The following MAP3K15 variants were observed in gnomAD, a reference collection of about 807,000 sequenced individuals.
MAP3K15 encodes MAPK/ERK kinase kinase 15.
MAP3K15 carries 124 observed loss-of-function variants against 99.5 expected under a neutral mutation model. The ratio of observed to expected loss-of-function variants is 1.25; its 90% CI spans 1.08 to 1.45. MAP3K15 has a LOEUF of 1.45. Ranked by LOEUF, MAP3K15 falls within the 40% of genes most tolerant of loss-of-function variation. The probability of loss-of-function intolerance (pLI) is 0.00; values close to 1 mark genes in which losing one functional copy is unlikely to be tolerated. For synonymous variants in MAP3K15, 494 were observed against 439.6 expected (o/e 1.12, Z -1.55); for missense variants, 1,242 against 1,079.7 (o/e 1.15, Z -2.11).
chrX:19,505,777 A>C, intron 1 of MAP3K15, among the ~76,000 whole-genome samples: 1 of 99,400 alleles, frequency 1.0e-5, no homozygotes, highest in African/African-American at 3.8e-5. Flanking sequence ...ATGGAGTCTC[A>C]CTCTTGTCAC....
At chrX:19,487,110 G>A (rs1253246645) in intron 2 of MAP3K15, among the ~76,000 whole-genome samples, 1 of 78,723 alleles carries the variant, frequency 1.3e-5, no homozygotes, top group Non-Finnish European at 2.3e-5. Context: ...TCTCATTTAC[G>A]CACCAACATT....
intron 19 of MAP3K15, among the ~76,000 whole-genome samples, chrX:19,375,721 C>T (rs751466559): frequency 2.7e-5 from 3 of 112,514 alleles, no homozygotes; most frequent in Admixed American, 1.9e-4. Flanking sequence ...CCACAATCCC[C>T]GCCGAGTGAG....
chrX:19,497,999 T>G (rs1485636080), intron 1 of MAP3K15, among the ~76,000 whole-genome samples: 1 of 111,821 alleles, frequency 8.9e-6, no homozygotes. Flanking sequence ...CCTGCATTTT[T>G]TATTTAACTA....
At chrX:19,500,799 C>T (rs1306622855) in intron 1 of MAP3K15, among the ~76,000 whole-genome samples, 1 of 111,935 alleles carries the variant, frequency 8.9e-6, no homozygotes, top group Non-Finnish European at 1.9e-5. Flanking sequence ...GTTTATGGCT[C>T]GTATTCCAAA....
chrX:19,423,840 G>A lies in MAP3K15; in HGVS notation c.1439+1691C>T, dbSNP rs145739873. 3.9e-4 allele frequency among the ~76,000 whole-genome samples: 44 copies of A among 111,703 alleles called. 1 individual carries two copies. Among genetic ancestry groups the A allele is most frequent in the African/African-American group, 1.4e-3 (44 of 30,773 alleles). On this transcript the variant is annotated intron_variant, in intron 9 of 28. Coordinates refer to ENST00000338883, the MANE Select transcript of MAP3K15 (RefSeq NM_001001671.4). ...GCCCTGGGCCACACTGTATCAGTTC[G>A]ACCTCTAGAGAGGTTGGAGCTGAGG...
At chrX:19,400,835 G>A (rs767517913) in intron 13 of MAP3K15, among the ~76,000 whole-genome samples, 172 bp from the exon 14 acceptor site, 1 of 111,374 alleles carries the variant, frequency 9.0e-6, no homozygotes, top group Non-Finnish European at 1.9e-5. Flanking sequence ...TCAAATCTAG[G>A]GCAACTACCA....
At chrX:19,468,825 C>A (rs777450736) in intron 3 of MAP3K15, among the ~76,000 whole-genome samples, 42 of 110,646 alleles carry the variant, frequency 3.8e-4, no homozygotes, top group African/African-American at 1.3e-3. Context: ...CTTGAAGAGG[C>A]CTTTCACATC....
chrX:19,452,372 AAG>A (rs1224113849), intron 6 of MAP3K15, among the ~76,000 whole-genome samples: 1 of 55,568 alleles, frequency 1.8e-5, no homozygotes, highest in Non-Finnish European at 2.9e-5. Flanking sequence ...AAGAGAAGAG[AAG>A]AGAGAAAAGA....
intron 18 of MAP3K15, among the ~76,000 whole-genome samples, chrX:19,387,049 G>C (rs1020452988): frequency 8.9e-6 from 1 of 111,982 alleles, no homozygotes; most frequent in Non-Finnish European, 1.9e-5. Context: ...AGTAAGGTAC[G>C]ATTTTCCCAT....
chrX:19,499,333 T>C (rs2064426874), intron 1 of MAP3K15, among the ~76,000 whole-genome samples: 1 of 112,266 alleles, frequency 8.9e-6, no homozygotes, highest in African/African-American at 3.2e-5. Context: ...GCTAAGAATA[T>C]AAAATGGTAC....
intron 27 of MAP3K15, 26 bp downstream of exon 27, chrX:19,361,467 T>A (rs749418204): frequency 8.4e-7 from 1 of 1,194,146 alleles, no homozygotes; most frequent in East Asian, 3.0e-5. Context: ...AACAACAGCA[T>A]AAGAATTTCT....
chrX:19,459,483 C>T (rs183422481), intron 5 of MAP3K15, among the ~76,000 whole-genome samples: 33 of 112,360 alleles, frequency 2.9e-4, no homozygotes, highest in African/African-American at 9.7e-4. Flanking sequence ...GTGACAAAAC[C>T]TTCTCCAAAA....
intron 1 of MAP3K15, among the ~76,000 whole-genome samples, chrX:19,512,455 A>T (rs1023933329): frequency 9.0e-6 from 1 of 111,252 alleles, no homozygotes; most frequent in Admixed American, 9.6e-5. Flanking sequence ...CCTGGGAGTT[A>T]CTTGTGCCTA....
At chrX:19,440,676 C>T (rs2063953041) in intron 6 of MAP3K15, among the ~76,000 whole-genome samples, 1 of 112,444 alleles carries the variant, frequency 8.9e-6, no homozygotes, top group African/African-American at 3.2e-5. Flanking sequence ...CCCAGGCTGG[C>T]TTTCCCATTC....
chrX:19,361,312 T>C, intron 28 of MAP3K15, 27 bp downstream of exon 28: 1 of 1,140,419 alleles, frequency 8.8e-7, no homozygotes, highest in Non-Finnish European at 1.2e-6. Flanking sequence ...TTGTATTCTC[T>C]TATACAAACT....
intron 13 of MAP3K15, among the ~76,000 whole-genome samples, chrX:19,406,116 A>T (rs2063645719): frequency 8.9e-6 from 1 of 111,752 alleles, no homozygotes; most frequent in African/African-American, 3.3e-5. Context: ...GTTGGCAAGG[A>T]CGTGGAGAAA....
chrX:19,462,842 C>T (rs140666741), intron 4 of MAP3K15, among the ~76,000 whole-genome samples: 1 of 112,176 alleles, frequency 8.9e-6, no homozygotes, highest in African/African-American at 3.2e-5. Context: ...ACCACTTCCC[C>T]TCCTACTAAC....
At chrX:19,409,781 G>A in intron 12 of MAP3K15, 143 bp downstream of exon 12, 1 of 466,811 alleles carries the variant, frequency 2.1e-6, no homozygotes, top group Non-Finnish European at 3.6e-6. Flanking sequence ...AGCTCAGGAA[G>A]GACAACATAA....
intron 3 of MAP3K15, among the ~76,000 whole-genome samples, chrX:19,475,631 C>T (rs1022410090): frequency 6.3e-5 from 7 of 111,067 alleles, no homozygotes; most frequent in African/African-American, 2.0e-4. Context: ...CAGTGCAAGG[C>T]CCATCTGCAA....
Sources: gnomAD v4.1 joint callset for allele counts (sites outside exome capture counted in the v4.1 genomes callset) on GRCh38, gnomAD v4.1.1 for gene constraint, MANE v1.5 for transcripts, NCBI Gene and HGNC (gene_info 2026-07-23, HGNC 2026-07-21) for gene names.